BCKDHB: variants seen among roughly 807,000 people sequenced by gnomAD.
The protein encoded by BCKDHB is 2-oxoisovalerate dehydrogenase subunit beta, mitochondrial.
BCKDHB carries 41 observed loss-of-function variants against 48.5 expected under a neutral mutation model. That is an observed-to-expected ratio of 0.85 (90% CI 0.66 to 1.10). The LOEUF (loss-of-function observed/expected upper bound fraction) is 1.10. BCKDHB is among the 50% of genes least tolerant of loss of function. BCKDHB has a pLI of 0.00. For missense variants in BCKDHB, 496 were observed against 494.2 expected (o/e 1.00, Z -0.03); for synonymous variants, 201 against 174.8 (o/e 1.15, Z -1.18).
the BCKDHB span, among the ~76,000 whole-genome samples, chr6:80,383,190 A>G: frequency 5.9e-5 from 9 of 152,174 alleles, no homozygotes; most frequent in Non-Finnish European, 2.9e-5. Context: ...TTAGGGTTGC[A>G]TATCTTCGAT....
chr6:80,411,022 G>A, the BCKDHB span, among the ~76,000 whole-genome samples: 1 of 152,128 alleles, frequency 6.6e-6, no homozygotes, highest in African/African-American at 2.4e-5. Flanking sequence ...CAGGAGAAGA[G>A]GTGCTCTGGT....
downstream of BCKDHB, among the ~76,000 whole-genome samples, chr6:80,349,086 T>C (rs1258563996): frequency 1.3e-5 from 2 of 152,226 alleles, no homozygotes; most frequent in Non-Finnish European, 1.5e-5. Context: ...AAAATAGTGA[T>C]GATCATAAAT....
At chr6:80,381,986 A>T in the BCKDHB span, among the ~76,000 whole-genome samples, 3 of 152,144 alleles carry the variant, frequency 2.0e-5, no homozygotes, top group Non-Finnish European at 4.4e-5. Context: ...TATTAAATAC[A>T]ATGTAATTTC....
the BCKDHB span, among the ~76,000 whole-genome samples, chr6:80,387,452 G>T: frequency 1.3e-5 from 2 of 152,202 alleles, no homozygotes; most frequent in Admixed American, 6.5e-5. Context: ...AGATGCAGGG[G>T]TGGTGATTCC....
intron 8 of BCKDHB, among the ~76,000 whole-genome samples, chr6:80,220,437 T>C (rs1258167596): frequency 6.7e-6 from 1 of 150,194 alleles, no homozygotes; most frequent in African/African-American, 2.4e-5. Context: ...CATAGTTCTT[T>C]TCTTCATTTG....
At chr6:80,214,424 T>C (rs1007090225) in intron 8 of BCKDHB, among the ~76,000 whole-genome samples, 2 of 152,224 alleles carry the variant, frequency 1.3e-5, no homozygotes, top group African/African-American at 2.4e-5. Flanking sequence ...AGTTAAAATA[T>C]ACATTTTAAA....
chr6:80,304,079 G>A (rs1371372714), intron 9 of BCKDHB, among the ~76,000 whole-genome samples: 2 of 152,118 alleles, frequency 1.3e-5, no homozygotes, highest in Non-Finnish European at 2.9e-5. Flanking sequence ...GGTAGTAAGT[G>A]ATTAATTCAG....
the BCKDHB span, among the ~76,000 whole-genome samples, chr6:80,450,661 C>T: frequency 6.6e-5 from 10 of 152,270 alleles, no homozygotes; most frequent in African/African-American, 2.2e-4. Context: ...ACACTTCACC[C>T]TTCTAATCCA....
At chr6:80,388,094 A>G in the BCKDHB span, among the ~76,000 whole-genome samples, 1 of 152,190 alleles carries the variant, frequency 6.6e-6, no homozygotes, top group African/African-American at 2.4e-5. Flanking sequence ...TAGTGGGCCT[A>G]TTTGGATTTG....
intron 8 of BCKDHB, among the ~76,000 whole-genome samples, chr6:80,206,571 A>G (rs921195523): frequency 6.8e-6 from 1 of 147,986 alleles, no homozygotes; most frequent in African/African-American, 2.6e-5. Flanking sequence ...GTGTGTGTAC[A>G]TGTATGTATA....
At chr6:80,353,589 T>C in the BCKDHB span, among the ~76,000 whole-genome samples, 1 of 152,178 alleles carries the variant, frequency 6.6e-6, no homozygotes, top group African/African-American at 2.4e-5. Flanking sequence ...GCACAGTGGC[T>C]CACGCCTGTA....
chr6:80,361,631 C>A, the BCKDHB span, among the ~76,000 whole-genome samples: 2 of 152,276 alleles, frequency 1.3e-5, no homozygotes, highest in Non-Finnish European at 2.9e-5. Context: ...AGGAGCATCA[C>A]CCCCTCTAGA....
chr6:80,155,727 G>A (rs1221387019), intron 3 of BCKDHB, among the ~76,000 whole-genome samples: 1 of 151,318 alleles, frequency 6.6e-6, no homozygotes, highest in Admixed American at 6.6e-5. Flanking sequence ...ATATAACATT[G>A]AATTTCTTTT....
the BCKDHB span, among the ~76,000 whole-genome samples, chr6:80,373,245 A>T: frequency 6.6e-6 from 1 of 152,182 alleles, no homozygotes; most frequent in East Asian, 1.9e-4. Context: ...AAAGGTGTTC[A>T]TAGTAACCTT....
the BCKDHB span, among the ~76,000 whole-genome samples, chr6:80,377,808 CA>C: frequency 1.3e-5 from 2 of 152,112 alleles, no homozygotes; most frequent in East Asian, 1.9e-4. Context: ...GCAACTAAAA[CA>C]ACATAAAAGT....
chr6:80,422,581 T>A, the BCKDHB span, among the ~76,000 whole-genome samples: 1 of 152,192 alleles, frequency 6.6e-6, no homozygotes, highest in Non-Finnish European at 1.5e-5. Flanking sequence ...CTGTGGGGTC[T>A]GCAGAGACAC....
intron 3 of BCKDHB, among the ~76,000 whole-genome samples, chr6:80,158,788 A>C (rs1035519299): frequency 7.2e-5 from 11 of 152,206 alleles, no homozygotes; most frequent in African/African-American, 2.7e-4. Context: ...TGATAGCTGA[A>C]GTGCTGATAT....
intron 9 of BCKDHB, chr6:80,307,642 T>C (rs1235730488): frequency 3.1e-6 from 3 of 977,308 alleles, no homozygotes; most frequent in East Asian, 1.1e-4. Context: ...CTAGCCATTA[T>C]AGAAAATGTA....
At chr6:80,156,581 A>G (rs896693421) in intron 3 of BCKDHB, among the ~76,000 whole-genome samples, 1 of 152,184 alleles carries the variant, frequency 6.6e-6, no homozygotes, top group Non-Finnish European at 1.5e-5. Flanking sequence ...AGAATTCAAT[A>G]TGGCTGTGAT....
Sources: allele counts gnomAD v4.1 joint callset (sites outside exome capture counted in the v4.1 genomes callset), GRCh38; gene constraint gnomAD v4.1.1; transcripts MANE v1.5; gene names NCBI Gene and HGNC (gene_info 2026-07-23, HGNC 2026-07-21).